Variants in ESR1 observed in about 807,000 individuals in gnomAD.
ESR1 encodes the protein estrogen receptor 1.
A neutral mutation model predicts 52.7 loss-of-function variants in ESR1; 12 were observed. The ratio of observed to expected loss-of-function variants is 0.23; its 90% confidence interval spans 0.15 to 0.37. The LOEUF is 0.37. Among genes scored for constraint, ESR1 ranks in the 10% least tolerant of loss-of-function variants. ESR1 has a pLI of 1.00. For missense variants in ESR1, 584 were observed against 779.7 expected, an observed-to-expected ratio of 0.75 and a Z score of 2.99; for synonymous variants, 305 against 316.8, an observed-to-expected ratio of 0.96 and a Z score of 0.39.
chr6:151,860,870 G>A (rs1355625512), intron 2 of ESR1, among the ~76,000 whole-genome samples: 4 of 152,136 alleles, frequency 2.6e-5, no homozygotes, highest in Admixed American at 6.6e-5. Flanking sequence ...AAACTTCCCT[G>A]TGGATTTCTA....
chr6:151,857,928 T>C (rs1214533603), intron 2 of ESR1, among the ~76,000 whole-genome samples: 4 of 152,244 alleles, frequency 2.6e-5, no homozygotes, highest in African/African-American at 4.8e-5. Flanking sequence ...TTTGCATATC[T>C]GTATTTTTAT....
At chr6:151,778,490 C>T (rs1454856052) in intron 2 of ESR1, among the ~76,000 whole-genome samples, 1 of 151,350 alleles carries the variant, frequency 6.6e-6, no homozygotes, top group African/African-American at 2.4e-5. Context: ...ATTGCAACCT[C>T]CACCTCCCAG....
intron 5 of ESR1, among the ~76,000 whole-genome samples, chr6:152,022,564 AG>A (rs1253479840): frequency 6.6e-6 from 1 of 152,200 alleles, no homozygotes; most frequent in Non-Finnish European, 1.5e-5. Context: ...ACCTCTTAAA[AG>A]GCTGACTTTT....
intron 4 of ESR1, among the ~76,000 whole-genome samples, chr6:151,965,341 CT>C: frequency 6.6e-6 from 1 of 152,148 alleles, no homozygotes; most frequent in South Asian, 2.1e-4. Context: ...CTTTGAATAT[CT>C]TTGTCTAGCT....
chr6:151,982,692 T>C (rs1012274460), intron 4 of ESR1, among the ~76,000 whole-genome samples: 1 of 151,848 alleles, frequency 6.6e-6, no homozygotes, highest in Non-Finnish European at 1.5e-5. Context: ...CACCGTGTTA[T>C]CCAGGATGGT....
At chr6:151,920,662 G>A (rs2031459926) in intron 3 of ESR1, among the ~76,000 whole-genome samples, 1 of 152,072 alleles carries the variant, frequency 6.6e-6, no homozygotes, top group Non-Finnish European at 1.5e-5. Context: ...TTTGTAGAAT[G>A]CCTCCCAGTC....
At chr6:151,737,158 A>G (rs764879672) in intron 2 of ESR1, among the ~76,000 whole-genome samples, 1 of 152,172 alleles carries the variant, frequency 6.6e-6, no homozygotes, top group Non-Finnish European at 1.5e-5. Context: ...ATAATGTTCT[A>G]TTTTATGGAA....
At chr6:151,838,743 G>A (rs1783806770) in intron 1 of ESR1, among the ~76,000 whole-genome samples, 1 of 151,998 alleles carries the variant, frequency 6.6e-6, no homozygotes, top group African/African-American at 2.4e-5. Context: ...TTTCTAAGTT[G>A]GCTAAAAAAG....
chr6:151,700,771 G>T (rs1289093525), intron 1 of ESR1, among the ~76,000 whole-genome samples: 1 of 147,356 alleles, frequency 6.8e-6, no homozygotes, highest in African/African-American at 2.5e-5. Flanking sequence ...TATTTCAGAT[G>T]GAAAAACAAA....
At chr6:151,776,453 T>A (rs1291070039) in intron 2 of ESR1, among the ~76,000 whole-genome samples, 1 of 152,214 alleles carries the variant, frequency 6.6e-6, no homozygotes, top group East Asian at 1.9e-4. Flanking sequence ...GTTATGGAGC[T>A]GTGGGTGCTA....
intron 2 of ESR1, among the ~76,000 whole-genome samples, chr6:151,729,210 C>G (rs1782063487): frequency 6.6e-6 from 1 of 152,148 alleles, no homozygotes; most frequent in Non-Finnish European, 1.5e-5. Context: ...CTAGCTTGCT[C>G]TTCCCAGCAT....
intron 2 of ESR1, among the ~76,000 whole-genome samples, chr6:151,722,036 C>G (rs914030133): frequency 2.0e-5 from 3 of 152,192 alleles, no homozygotes; most frequent in African/African-American, 7.2e-5. Context: ...GACTGATCTG[C>G]CCCAGAGGCA....
intron 5 of ESR1, among the ~76,000 whole-genome samples, chr6:152,058,478 C>G (rs1197195447): frequency 6.6e-6 from 1 of 152,172 alleles, no homozygotes; most frequent in Non-Finnish European, 1.5e-5. Flanking sequence ...ATCAGTATAT[C>G]TATAGGTAAT....
chr6:151,755,415 A>C (rs1037726065), intron 2 of ESR1, among the ~76,000 whole-genome samples: 2 of 152,054 alleles, frequency 1.3e-5, no homozygotes, highest in Non-Finnish European at 2.9e-5. Context: ...TCATCTAAAC[A>C]TCAGAGTATC....
At chr6:151,689,505 A>G (rs1030240258), upstream of ESR1, among the ~76,000 whole-genome samples, 1 of 152,246 alleles carries the variant, frequency 6.6e-6, no homozygotes, top group Non-Finnish European at 1.5e-5. Context: ...AAATTATTTT[A>G]TGGGCTAACT....
intron 2 of ESR1, among the ~76,000 whole-genome samples, chr6:151,740,123 C>T (rs1562369565): frequency 6.7e-6 from 1 of 150,122 alleles, no homozygotes; most frequent in African/African-American, 2.4e-5. Context: ...TCTTTCTTTT[C>T]TTTTTTTTTG....
intron 4 of ESR1, among the ~76,000 whole-genome samples, chr6:151,960,447 G>A (rs991541791): frequency 6.6e-6 from 1 of 152,182 alleles, no homozygotes; most frequent in African/African-American, 2.4e-5. Context: ...AACACCTGAA[G>A]GAGGAGGTGA....
chr6:152,092,278 G>A, intron 6 of ESR1, among the ~76,000 whole-genome samples: 1 of 152,166 alleles, frequency 6.6e-6, no homozygotes. Context: ...TTAGATCAAG[G>A]TGCCCCAGGG....
At chr6:152,025,170 G>A (rs1584874987) in intron 5 of ESR1, among the ~76,000 whole-genome samples, 2 of 146,052 alleles carry the variant, frequency 1.4e-5, no homozygotes, top group East Asian at 4.0e-4. Flanking sequence ...AAAGTTTGGT[G>A]TCAAATTTGT....
Sources: allele counts gnomAD v4.1 joint callset (sites outside exome capture counted in the v4.1 genomes callset), GRCh38; gene constraint gnomAD v4.1.1; transcripts MANE v1.5; gene names NCBI Gene and HGNC (gene_info 2026-07-23, HGNC 2026-07-21).